Variants in SPRING1 observed in about 807,000 individuals in gnomAD.
SPRING1 encodes the protein SREBP regulating gene protein.
Under a neutral mutation model 24.7 loss-of-function variants are expected in SPRING1, and 14 were observed. That is an observed-to-expected ratio of 0.57 (90% CI 0.37 to 0.88). The LOEUF (loss-of-function observed/expected upper bound fraction) is 0.88. SPRING1 is among the 40% of genes least tolerant of loss of function. The pLI, the probability that SPRING1 is intolerant of heterozygous loss-of-function variation, is 0.00. For missense variants in SPRING1, 255 were observed against 268.4 expected, an observed-to-expected ratio of 0.95 and a Z score of 0.35; for synonymous variants, 93 against 106.1, an observed-to-expected ratio of 0.88 and a Z score of 0.76.
At chr12:116,733,383 C>A (rs1370294271) in intron 1 of SPRING1, among the ~76,000 whole-genome samples, 1 of 140,410 alleles carries the variant, frequency 7.1e-6, no homozygotes, top group Non-Finnish European at 1.5e-5. Flanking sequence ...AGGGTTTCAC[C>A]GTGTTAGCCA....
intron 3 of SPRING1, 32 bp from the exon 4 acceptor site, chr12:116,719,908 A>T: frequency 6.4e-7 from 1 of 1,574,684 alleles, no homozygotes; most frequent in Non-Finnish European, 8.7e-7. Flanking sequence ...CCTGTAATAA[A>T]TTACCTAAGC....
rs369019084 is a variant in SPRING1, at chr12:116,712,337, C to T, written c.*5473G>A. The T allele has an allele frequency of 5.9e-5, 9 of 152,402 alleles. No homozygotes were observed. The highest frequency in any genetic ancestry group is 2.2e-4 in the African/African-American group (9 of 41,592). 9.4% of individuals were successfully genotyped at this position (152,402 alleles called of 1,614,324 possible). A position where few individuals can be genotyped will look rare whatever the true frequency, so the allele number is the denominator to read the frequency against. On this transcript the variant is annotated 3_prime_UTR_variant, in exon 5 of 5. Coordinates refer to ENST00000261318, the MANE Select transcript of SPRING1 (RefSeq NM_024738.4). The stretch of plus-strand genomic sequence containing the variant: ...CAGTCGGCCCATATGCACGTCACCA[C>T]TCGGCTCCCAGCTCAGGTGCAGACC...
chr12:116,726,837 C>T (rs1870720251), intron 1 of SPRING1, among the ~76,000 whole-genome samples: 1 of 152,186 alleles, frequency 6.6e-6, no homozygotes, highest in Non-Finnish European at 1.5e-5. Flanking sequence ...TCCTGTTGTT[C>T]TTCCAAAAGA....
At chr12:116,736,797 G>A (rs1871243038) in intron 1 of SPRING1, among the ~76,000 whole-genome samples, 1 of 152,012 alleles carries the variant, frequency 6.6e-6, no homozygotes, top group Admixed American at 6.6e-5. Flanking sequence ...ATTCTCACAT[G>A]GAAGAAAAAT....
Position 116,717,739 on chromosome 12 carries a change from A to T in SPRING1, c.*71T>A. ...TCCTGCAGCCTGGCCCGATGGCTGA[A>T]GCTGGGTCCCAGGAGGCGAGTTCTT... On this transcript the variant is annotated 3_prime_UTR_variant, in exon 5 of 5. Transcript: ENST00000261318. This position sits in a 1 kb window ranked among gnomAD's most constrained non-coding sequence, Gnocchi z 4.2. 7.4e-7 allele frequency: 1 copy of T among 1,353,854 alleles called. No homozygotes were observed. Among genetic ancestry groups the T allele is most frequent in the Non-Finnish European group, 1.0e-6 (1 of 989,078 alleles). 83.9% of individuals were successfully genotyped at this position (1,353,854 alleles called of 1,614,324 possible). A position where few individuals can be genotyped will look rare whatever the true frequency, so the allele number is the denominator to read the frequency against.
intron 2 of SPRING1, among the ~76,000 whole-genome samples, chr12:116,721,925 C>T (rs183320742): frequency 1.1e-4 from 17 of 152,264 alleles, no homozygotes; most frequent in Admixed American, 9.8e-4. Flanking sequence ...CTCTTTCTAG[C>T]TTGGTGAAAG....
At chr12:116,722,969 T>C (rs767596919) in intron 2 of SPRING1, 98 bp downstream of exon 2, 230 of 1,447,522 alleles carry the variant, frequency 1.6e-4, no homozygotes, top group Non-Finnish European at 2.1e-4. Context: ...GGAGAGAAAA[T>C]GTGTTGCAGA....
chr12:116,720,598 T>C lies in SPRING1; in HGVS notation c.269-151A>G, dbSNP rs1271497754. 4 of 1,058,704 alleles carry C rather than the reference T, an allele frequency of 3.8e-6. No individual in the cohort carries two copies. The highest frequency in any genetic ancestry group is 2.1e-4 in the Middle Eastern group (1 of 4,756). The allele number at this position is 1,058,704 out of a possible 1,614,324, so 65.6% of individuals were successfully genotyped here. On this transcript the variant is annotated intron_variant, in intron 2 of 4. Transcript: ENST00000261318. The surrounding 1 kb of genome is among the most constrained non-coding windows in gnomAD (Gnocchi z 4.0). ...CCGGAGAGCTGGAAACTGGACATAATGTGAGTGGGGCTTACTTTCCCCAGG... is the reference window on the plus strand; with the variant it reads ...CCGGAGAGCTGGAAACTGGACATAACGTGAGTGGGGCTTACTTTCCCCAGG...
chr12:116,717,853 T>C lies in SPRING1; in HGVS notation c.575A>G (p.Lys192Arg). Reference sequence around the variant, plus strand: ...GGGCGGGCTTTCTCCATAGCAATACTTTGCTATGGGGTCCCGGTAGGTGTT... The same window carrying C: ...GGGCGGGCTTTCTCCATAGCAATACCTTGCTATGGGGTCCCGGTAGGTGTT... ...HENTYRDPIA[K>R]YCYGESPPEL... Residue 192 changes from lysine to arginine, a missense_variant, in exon 5 of 5, where the codon AAG becomes AGG. Lys to Arg is a conservative substitution (Grantham distance 26). Transcript: ENST00000261318. The surrounding 1 kb of genome is among the most constrained non-coding windows in gnomAD (Gnocchi z 4.2). 6.2e-7 allele frequency: 1 copy of C among 1,608,370 alleles called. No individual in the cohort carries two copies. Among genetic ancestry groups the C allele is most frequent in the Non-Finnish European group, 8.5e-7 (1 of 1,177,344 alleles).
intron 1 of SPRING1, among the ~76,000 whole-genome samples, chr12:116,725,947 C>T (rs1006760443): frequency 3.9e-5 from 6 of 151,960 alleles, no homozygotes; most frequent in Non-Finnish European, 4.4e-5. Context: ...TTGAAAAACA[C>T]GATTACCAAC....
rs1337377074 is a variant in SPRING1 at position 116,737,909 on chromosome 12, G to A, written c.-9C>T. On this transcript the variant is annotated 5_prime_UTR_variant, in exon 1 of 5. Transcript: ENST00000261318. ...GCCGCCAGGTTCACCATCCCGGCGCGGACGTGGGGCGCGGCGGCCGGGGCG... is the reference window on the plus strand; with the variant it reads ...GCCGCCAGGTTCACCATCCCGGCGCAGACGTGGGGCGCGGCGGCCGGGGCG... 3 of 1,528,640 alleles carry A rather than the reference G, an allele frequency of 2.0e-6. No homozygotes were observed. The highest frequency in any genetic ancestry group is 4.2e-5 in the Admixed American group (2 of 47,558). The allele number at this position is 1,528,640 out of a possible 1,614,324, so 94.7% of individuals were successfully genotyped here. A position where few individuals can be genotyped will look rare whatever the true frequency, so the allele number is the denominator to read the frequency against.
At chr12:116,732,960 A>G (rs918521180) in intron 1 of SPRING1, among the ~76,000 whole-genome samples, 62 of 152,344 alleles carry the variant, frequency 4.1e-4, no homozygotes, top group African/African-American at 1.2e-3. Flanking sequence ...GCCACTTCAG[A>G]TGCACAACAG....
chr12:116,734,608 C>T (rs556620054), intron 1 of SPRING1, among the ~76,000 whole-genome samples: 7 of 152,202 alleles, frequency 4.6e-5, no homozygotes, highest in African/African-American at 1.7e-4. Flanking sequence ...ATCCTAGGGG[C>T]TGGAGAGTCT....
chr12:116,738,007 C>T lies in SPRING1; in HGVS notation c.-107G>A, dbSNP rs986652194. 2.3e-5 allele frequency: 26 copies of T among 1,122,902 alleles called. 1 individual carries two copies. Among genetic ancestry groups the T allele is most frequent in the African/African-American group, 8.3e-5 (5 of 60,404 alleles). The allele number at this position is 1,122,902 out of a possible 1,614,324, so 69.6% of individuals were successfully genotyped here. A position where few individuals can be genotyped will look rare whatever the true frequency, so the allele number is the denominator to read the frequency against. On this transcript the variant is annotated 5_prime_UTR_variant, in exon 1 of 5. Transcript: ENST00000261318. ...CGGCAGCCCCATCCCTCCAGGCAGG[C>T]GCCGGCCCCGCCGCCCGCAGCCCAG...
chr12:116,717,843 A>G lies in SPRING1; in HGVS notation c.585T>C (p.Tyr195=). ...GGAAGAGCTCGGGCGGGCTTTCTCC[A>G]TAGCAATACTTTGCTATGGGGTCCC... is the stretch of plus-strand genomic sequence containing the variant. ...TYRDPIAKYC[Y]GESPPELFPA Residue 195 remains tyrosine, a synonymous_variant, in exon 5 of 5, where the codon TAT becomes TAC. Transcript: ENST00000261318. The surrounding 1 kb of genome is among the most constrained non-coding windows in gnomAD (Gnocchi z 4.2). The G allele has an allele frequency of 6.2e-7, 1 of 1,607,516 alleles. No homozygotes were observed.
At chr12:116,721,365 T>C (rs761476745) in intron 2 of SPRING1, among the ~76,000 whole-genome samples, 1 of 152,178 alleles carries the variant, frequency 6.6e-6, no homozygotes, top group Non-Finnish European at 1.5e-5. Context: ...CCCACATCAC[T>C]GCATTCCAAA....
chr12:116,710,259 C>T lies in SPRING1; in HGVS notation c.*7551G>A, dbSNP rs1046727567. Reference sequence around the variant, plus strand: ...GTTTATATACAAAATACAGGCAAAACGCTCCAGCGGAACTTTAATTAGTGG... The same window carrying T: ...GTTTATATACAAAATACAGGCAAAATGCTCCAGCGGAACTTTAATTAGTGG... On this transcript the variant is annotated 3_prime_UTR_variant, in exon 5 of 5. Coordinates refer to ENST00000261318, the MANE Select transcript of SPRING1 (RefSeq NM_024738.4). 5 of 152,164 alleles carry T rather than the reference C, an allele frequency of 3.3e-5. No homozygotes were observed. The highest frequency in any genetic ancestry group is 1.9e-4 in the East Asian group (1 of 5,198). 9.4% of individuals were successfully genotyped at this position (152,164 alleles called of 1,614,324 possible).
intron 4 of SPRING1, among the ~76,000 whole-genome samples, chr12:116,718,744 C>G (rs1370707448): frequency 6.6e-6 from 1 of 152,220 alleles, no homozygotes; most frequent in African/African-American, 2.4e-5. Context: ...TAGCGTTTCT[C>G]AGAATGAGAG....
rs1439014189 is a variant in SPRING1 at position 116,716,843 on chromosome 12, G to A, written c.*967C>T. Reference sequence around the variant, plus strand: ...AATAAACACATACAGCAAGCTACGAGGTGCGTCTGTTTAGGAATTGCCTCA... The same window carrying A: ...AATAAACACATACAGCAAGCTACGAAGTGCGTCTGTTTAGGAATTGCCTCA... On this transcript the variant is annotated 3_prime_UTR_variant, in exon 5 of 5. Transcript: ENST00000261318. 1.3e-5 allele frequency: 2 copies of A among 152,212 alleles called. No individual in the cohort carries two copies. The highest frequency in any genetic ancestry group is 1.3e-4 in the Admixed American group (2 of 15,286). The allele number at this position is 152,212 out of a possible 1,614,324, so 9.4% of individuals were successfully genotyped here.
Sources: allele counts gnomAD v4.1 joint callset (sites outside exome capture counted in the v4.1 genomes callset), GRCh38; gene constraint gnomAD v4.1.1; non-coding constraint Gnocchi (gnomAD v3.1); transcripts MANE v1.5; gene names NCBI Gene and HGNC (gene_info 2026-07-23, HGNC 2026-07-21).